Variants in PLEKHA7 observed in about 807,000 individuals in gnomAD.
PLEKHA7 encodes the protein pleckstrin homology domain containing A7, also known as pleckstrin homology domain-containing family A member 7.
Under a neutral mutation model 170.0 loss-of-function variants are expected in PLEKHA7, and 104 were observed. That is an observed-to-expected ratio of 0.61 (90% CI 0.52 to 0.72). PLEKHA7 has a LOEUF of 0.72. PLEKHA7 is among the 30% of genes least tolerant of loss of function. The pLI, the probability that PLEKHA7 is intolerant of heterozygous loss-of-function variation, is 0.00. For synonymous variants in PLEKHA7, 648 were observed against 660.8 expected, an observed-to-expected ratio of 0.98 and a Z score of 0.30; for missense variants, 1,615 against 1,671.7, an observed-to-expected ratio of 0.97 and a Z score of 0.59.
rs1194392707 is a variant in PLEKHA7 at position 17,014,189 on chromosome 11, G to C, written c.99C>G (p.Arg33=). The C allele has an allele frequency of 1.9e-6, 3 of 1,595,330 alleles. No individual in the cohort carries two copies. In the East Asian group the frequency reaches 6.9e-5, roughly 37 times the overall value. ...GRVFFINDQL[R]CTTWLHPRTG... is the part of the protein sequence containing the mutation. Reference sequence around the variant, plus strand: ...TGCGCGGATGCAGCCAGGTCGTGCAGCGGAGCTGGTCACTGCGGGCAGAGA... The same window carrying C: ...TGCGCGGATGCAGCCAGGTCGTGCACCGGAGCTGGTCACTGCGGGCAGAGA... The change falls in exon 2 of 27, where the codon CGC becomes CGG. Residue 33 remains arginine, a synonymous_variant. Transcript: ENST00000531066.
At chr11:16,992,449 T>A (rs1000518453) in intron 3 of PLEKHA7, among the ~76,000 whole-genome samples, 1 of 152,182 alleles carries the variant, frequency 6.6e-6, no homozygotes, top group African/African-American at 2.4e-5. Flanking sequence ...AGGATTCTTA[T>A]GAGGTTTTAA....
At chr11:16,858,675 A>C (rs1047139222) in intron 4 of PLEKHA7, among the ~76,000 whole-genome samples, 8 of 152,086 alleles carry the variant, frequency 5.3e-5, no homozygotes, top group Non-Finnish European at 1.0e-4. Flanking sequence ...TACTTTTAGT[A>C]GAGAGGGAGT....
Position 16,789,063 on chromosome 11 carries a change from C to T in PLEKHA7, c.3357+33G>A. 6.3e-7 allele frequency: 1 copy of T among 1,588,890 alleles called. No individual in the cohort carries two copies. Among genetic ancestry groups the T allele is most frequent in the Non-Finnish European group, 8.5e-7 (1 of 1,175,392 alleles). ...CTCTGAGGGGCACTCGGCTCCCTGT[C>T]CCTGCCCCGCTGCCTGGCCCCTCCT... On this transcript the variant is annotated intron_variant, in intron 23 of 26. Coordinates refer to ENST00000531066, the MANE Select transcript of PLEKHA7 (RefSeq NM_001329630.2). This position sits in a 1 kb window ranked among gnomAD's most constrained non-coding sequence, Gnocchi z 4.6.
chr11:16,806,484 A>G (rs917946342), intron 13 of PLEKHA7, among the ~76,000 whole-genome samples: 1 of 152,220 alleles, frequency 6.6e-6, no homozygotes, highest in Admixed American at 6.5e-5. Context: ...GAGGGGAATC[A>G]AAGGCCACCC....
intron 13 of PLEKHA7, among the ~76,000 whole-genome samples, chr11:16,807,537 G>C (rs181243693): frequency 1.3e-5 from 2 of 152,228 alleles, no homozygotes; most frequent in Admixed American, 1.3e-4. Flanking sequence ...TTCCTTCCTG[G>C]TTCTGCGGCA....
chr11:16,932,089 G>C (rs1215745682), intron 3 of PLEKHA7, among the ~76,000 whole-genome samples: 2 of 151,960 alleles, frequency 1.3e-5, no homozygotes, highest in Non-Finnish European at 1.5e-5. Flanking sequence ...TTAAAATCTA[G>C]GCTCACCCAC....
chr11:16,948,435 C>A (rs1437074101), intron 3 of PLEKHA7, among the ~76,000 whole-genome samples: 1 of 152,076 alleles, frequency 6.6e-6, no homozygotes, highest in Non-Finnish European at 1.5e-5. Context: ...GTCAGTGAAG[C>A]ACACACACAC....
Position 16,779,831 on chromosome 11 carries a change from G to A in PLEKHA7, c.3794-811C>T, listed in dbSNP as rs141667607. On this transcript the variant is annotated intron_variant, in intron 26 of 26. Coordinates refer to ENST00000531066, the MANE Select transcript of PLEKHA7 (RefSeq NM_001329630.2). ...CCAAACACCTAGAGCTGCTCGGGGC[G>A]GCCCAGATGAACCCATGAGTGGTGA... Among the ~76,000 whole-genome samples, 11 of 152,262 alleles carry A rather than the reference G, an allele frequency of 7.2e-5. No homozygotes were observed. In the East Asian group the frequency reaches 7.7e-4, roughly 11 times the overall value.
chr11:17,013,197 C>G (rs1458966654), intron 3 of PLEKHA7: 1 of 152,500 alleles, frequency 6.6e-6, no homozygotes, highest in Non-Finnish European at 1.5e-5. Flanking sequence ...AGTGGGAAAG[C>G]AAAGCCTGTA....
intron 3 of PLEKHA7, among the ~76,000 whole-genome samples, chr11:16,926,946 A>G (rs1442612274): frequency 6.6e-6 from 1 of 152,188 alleles, no homozygotes; most frequent in African/African-American, 2.4e-5. Flanking sequence ...GCTCCAACTC[A>G]GTCATCAATT....
At chr11:16,875,354 T>TTC (rs1248720666) in intron 3 of PLEKHA7, among the ~76,000 whole-genome samples, 3 of 105,834 alleles carry the variant, frequency 2.8e-5, no homozygotes, top group Non-Finnish European at 6.0e-5. Context: ...GAATACTAAA[T>TTC]TTTTTTTTTT....
chr11:16,993,435 T>A (rs1284831568), intron 3 of PLEKHA7, among the ~76,000 whole-genome samples: 1 of 152,148 alleles, frequency 6.6e-6, no homozygotes, highest in Non-Finnish European at 1.5e-5. Context: ...CCAGCACCCA[T>A]GGGTCATTCA....
At chr11:16,962,611 C>A (rs1190279664) in intron 3 of PLEKHA7, among the ~76,000 whole-genome samples, 7 of 152,166 alleles carry the variant, frequency 4.6e-5, no homozygotes, top group Non-Finnish European at 8.8e-5. Context: ...CAGGTGCATA[C>A]CACCATGCCC....
chr11:16,794,850 AC>A, intron 18 of PLEKHA7, 59 bp downstream of exon 18: 1 of 1,182,722 alleles, frequency 8.5e-7, no homozygotes, highest in Non-Finnish European at 1.2e-6. Context: ...CCAGCCTTCC[AC>A]CCTCCCACCA....
intron 25 of PLEKHA7, 92 bp from the exon 26 acceptor site, chr11:16,782,988 A>G: frequency 6.7e-6 from 9 of 1,345,026 alleles, no homozygotes; most frequent in Non-Finnish European, 9.0e-6. Context: ...GGTTCTCAAC[A>G]TTTTGAGGGG....
chr11:16,807,111 C>A (rs1849043093), intron 13 of PLEKHA7: 1 of 959,366 alleles, frequency 1.0e-6, no homozygotes, highest in African/African-American at 1.8e-5. Context: ...AATGGAATGA[C>A]CCCGCTTGGA....
At chr11:16,805,589 A>C (rs74812529) in intron 13 of PLEKHA7, among the ~76,000 whole-genome samples, 1 of 151,850 alleles carries the variant, frequency 6.6e-6, no homozygotes, top group African/African-American at 2.4e-5. Context: ...CAGGAGTTCA[A>C]GATCAGTCTG....
chr11:16,793,730 A>G (rs1354376211), intron 19 of PLEKHA7, among the ~76,000 whole-genome samples: 1 of 152,216 alleles, frequency 6.6e-6, no homozygotes, highest in African/African-American at 2.4e-5. Context: ...ATTTCTTTAA[A>G]GTCTCCTGCA....
intron 12 of PLEKHA7, among the ~76,000 whole-genome samples, chr11:16,814,791 A>G (rs539980560): frequency 3.3e-5 from 5 of 152,336 alleles, no homozygotes; most frequent in African/African-American, 1.2e-4. Flanking sequence ...CACCATCCAG[A>G]TAAGAGAGGG....
Sources: allele counts gnomAD v4.1 joint callset (sites outside exome capture counted in the v4.1 genomes callset), GRCh38; gene constraint gnomAD v4.1.1; non-coding constraint Gnocchi (gnomAD v3.1); transcripts MANE v1.5; gene names NCBI Gene and HGNC (gene_info 2026-07-23, HGNC 2026-07-21).